The following ZNF836 variants were observed in gnomAD, a reference collection of about 807,000 sequenced individuals.
The protein encoded by ZNF836 is zinc finger protein 836.
Under a neutral mutation model 7.4 loss-of-function variants are expected in ZNF836, and 12 were observed. The observed-to-expected ratio is 1.61, with a 90% confidence interval of 1.03 to 2.61. The LOEUF (loss-of-function observed/expected upper bound fraction) is 2.61, where lower values mean the gene tolerates loss of function less well. Among genes scored for constraint, ZNF836 ranks in the 30% most tolerant of loss-of-function variants. ZNF836 has a pLI of 0.00. For missense variants in ZNF836, 998 were observed against 1,126.2 expected, an observed-to-expected ratio of 0.89 and a Z score of 1.63; for synonymous variants, 365 against 382.6, an observed-to-expected ratio of 0.95 and a Z score of 0.54.
Position 52,155,819 on chromosome 19 carries a change from T to C in ZNF836, c.1864A>G (p.Ser622Gly), listed in dbSNP as rs1472249779. 1.9e-6 allele frequency: 3 copies of C among 1,614,006 alleles called. No homozygotes were observed. In the Admixed American group the frequency reaches 5.0e-5, roughly 27 times the overall value. ...CTCTTATGATTTGAAAGGTTTCCAC[T>C]GTCATTGAAGACCTTGCCACACACA... ...CNVCGKVFND[S>G]GNLSNHKRIH... Residue 622 changes from serine (S) to glycine (G), a missense_variant, in exon 5 of 5, where the codon AGT becomes GGT. Transcript: ENST00000682614.
intron 3 of ZNF836, among the ~76,000 whole-genome samples, chr19:52,163,714 G>A (rs929582519): frequency 1.3e-5 from 2 of 152,080 alleles, no homozygotes; most frequent in Non-Finnish European, 2.9e-5. Flanking sequence ...GAAAGGTTAG[G>A]GGCCACTGAG....
rs1217663740 is a variant in ZNF836 at position 52,157,230 on chromosome 19, T to C, written c.453A>G (p.Glu151=). ...LTLSFQSRLT[E]LQKFQTEGKI... ...TCCCTTCAGTTTGAAATTTCTGCAG[T>C]TCAGTCAGACGTGACTGAAAGCTTA... The change falls in exon 5 of 5, where the codon GAA becomes GAG. Residue 151 remains glutamate (E), a synonymous_variant. Coordinates refer to ENST00000682614, the MANE Select transcript of ZNF836 (RefSeq NM_001102657.3). 3 of 1,610,602 alleles carry C rather than the reference T, an allele frequency of 1.9e-6. No individual in the cohort carries two copies. In the Admixed American group the frequency reaches 5.1e-5, roughly 27 times the overall value.
At chr19:52,168,268 G>C (rs1326712649) in intron 2 of ZNF836, 116 bp from the exon 3 acceptor site, 2 of 599,802 alleles carry the variant, frequency 3.3e-6, no homozygotes, top group Middle Eastern at 4.5e-4. Flanking sequence ...TGCACCAGGG[G>C]GATGCAAGGA....
intron 3 of ZNF836, among the ~76,000 whole-genome samples, chr19:52,162,650 T>C (rs1422017036): frequency 4.6e-5 from 7 of 152,124 alleles, no homozygotes; most frequent in Non-Finnish European, 1.0e-4. Context: ...ATTTATTAGG[T>C]AAAAGAGATA....
In ZNF836 at chr19:52,168,110, G is replaced by T. The variant is rs1424832942; in HGVS notation, c.-38C>A. On this transcript the variant is annotated 5_prime_UTR_variant, in exon 3 of 5. Coordinates refer to ENST00000682614, the MANE Select transcript of ZNF836 (RefSeq NM_001102657.3). ...TTCTTTCCTCTTCTTCCTCTTCTGGGCTTCTCTCTCAGTCAATATAATTAA... is the reference window on the plus strand; with the variant it reads ...TTCTTTCCTCTTCTTCCTCTTCTGGTCTTCTCTCTCAGTCAATATAATTAA... The T allele has an allele frequency of 3.7e-6, 6 of 1,607,242 alleles. No homozygotes were observed. Among genetic ancestry groups the T allele is most frequent in the Non-Finnish European group, 5.1e-6 (6 of 1,177,592 alleles).
Position 52,156,269 on chromosome 19 carries a change from A to C in ZNF836, c.1414T>G (p.Cys472Gly). Residue 472 changes from cysteine to glycine, a missense_variant, in exon 5 of 5, where the codon TGC becomes GGC. Physicochemically the swap from Cys to Gly is radical, Grantham distance 159 (BLOSUM62 -3). Transcript: ENST00000682614. ...RSHTGEKPYKCNECGKVFSQT... is the reference protein window; with the variant it reads ...RSHTGEKPYKGNECGKVFSQT... ...CTGAAGACCTTGCCACATTCATTGC[A>C]TTTGTAAGGTTTCTCTCCAGTATGA... The C allele has an allele frequency of 6.2e-7, 1 of 1,614,212 alleles. No individual in the cohort carries two copies. Among genetic ancestry groups the C allele is most frequent in the South Asian group, 1.1e-5 (1 of 91,086 alleles).
At position 52,160,533 on chromosome 19, in the gene ZNF836, A is replaced by G; in HGVS notation, c.74T>C (p.Leu25Pro). Residue 25 changes from leucine (L) to proline (P), a missense_variant, in exon 4 of 5, where the codon CTG becomes CCG. Physicochemically the swap from Leu to Pro is moderately conservative, Grantham distance 98. Transcript: ENST00000682614. The stretch of plus-strand genomic sequence containing the variant: ...GTACAAAGCTTTCTGCACAGGGTCC[A>G]GGGATTTCCACTCCTCCTGAGAGAA... Reference protein sequence around the residue: ...IEFSQEEWKSLDPVQKALYWD... With the variant: ...IEFSQEEWKSPDPVQKALYWD... 6.2e-7 allele frequency: 1 copy of G among 1,614,072 alleles called. No homozygotes were observed. Among genetic ancestry groups the G allele is most frequent in the East Asian group, 2.2e-5 (1 of 44,874 alleles).
chr19:52,159,396 C>T (rs111318601), intron 4 of ZNF836, among the ~76,000 whole-genome samples: 6 of 152,166 alleles, frequency 3.9e-5, no homozygotes, highest in African/African-American at 1.2e-4. Context: ...ACCCAAATTA[C>T]GAAGAAAGTA....
intron 1 of ZNF836, among the ~76,000 whole-genome samples, chr19:52,170,842 C>T (rs2089301825): frequency 6.6e-6 from 1 of 152,210 alleles, no homozygotes; most frequent in Non-Finnish European, 1.5e-5. Context: ...GAATAGGATG[C>T]CCACCTCCCG....
Position 52,157,413 on chromosome 19 carries a change from T to A in ZNF836, c.270A>T (p.Glu90Asp). 6.2e-7 allele frequency: 1 copy of A among 1,606,908 alleles called. No homozygotes were observed. Among genetic ancestry groups the A allele is most frequent in the Non-Finnish European group, 8.5e-7 (1 of 1,178,282 alleles). ...CAAGGTCCTGTAGATTTTTCTGGATTTCCCTTAAGTAAAAATTTTCAACAT... is the reference window on the plus strand; with the variant it reads ...CAAGGTCCTGTAGATTTTTCTGGATATCCCTTAAGTAAAAATTTTCAACAT... ...CYDVENFYLR[E>D]IQKNLQDLEF... Residue 90 changes from glutamate to aspartate, a missense_variant, in exon 5 of 5, where the codon GAA becomes GAT. Physicochemically the swap from Glu to Asp is conservative, Grantham distance 45. Transcript: ENST00000682614.
Position 52,156,929 on chromosome 19 carries a change from C to T in ZNF836, c.754G>A (p.Gly252Ser). ...TEKPYKCNECGKAFHRGSLLT... is the reference protein window; with the variant it reads ...TEKPYKCNECSKAFHRGSLLT... The stretch of plus-strand genomic sequence containing the variant: ...AGTGAGCCCCGATGAAAGGCTTTGC[C>T]ACATTCATTGCATTTGTAAGGTTTC... The change falls in exon 5 of 5, where the codon GGC becomes AGC. Residue 252 changes from glycine to serine, a missense_variant. Physicochemically the swap from Gly to Ser is moderately conservative, Grantham distance 56 (BLOSUM62 0). Coordinates refer to ENST00000682614, the MANE Select transcript of ZNF836 (RefSeq NM_001102657.3). 1.2e-6 allele frequency: 2 copies of T among 1,614,148 alleles called. No homozygotes were observed. Among genetic ancestry groups the T allele is most frequent in the Non-Finnish European group, 8.5e-7 (1 of 1,180,028 alleles).
At chr19:52,158,055 A>G (rs1206207186) in intron 4 of ZNF836, among the ~76,000 whole-genome samples, 2 of 152,184 alleles carry the variant, frequency 1.3e-5, no homozygotes, top group Non-Finnish European at 1.5e-5. Flanking sequence ...GTAAAGAAAG[A>G]GTAATCACAT....
chr19:52,155,816 C>T lies in ZNF836; in HGVS notation c.1867G>A (p.Gly623Arg). The T allele has an allele frequency of 6.2e-7, 1 of 1,613,868 alleles. No homozygotes were observed. The highest frequency in any genetic ancestry group is 2.2e-5 in the East Asian group (1 of 44,866). Residue 623 changes from glycine to arginine, a missense_variant, in exon 5 of 5, where the codon GGA becomes AGA. Gly to Arg is a moderately radical substitution (Grantham distance 125). Transcript: ENST00000682614. ...ATTCTCTTATGATTTGAAAGGTTTC[C>T]ACTGTCATTGAAGACCTTGCCACAC... ...NVCGKVFNDS[G>R]NLSNHKRIHT... is the part of the protein sequence containing the mutation.
At chr19:52,164,471 AGG>A in intron 3 of ZNF836, among the ~76,000 whole-genome samples, 1 of 121,194 alleles carries the variant, frequency 8.3e-6, no homozygotes, top group Non-Finnish European at 1.7e-5. Flanking sequence ...GAAGGAAGGA[AGG>A]AAGGAAAGAA....
At chr19:52,169,072 G>A (rs1242327817) in intron 2 of ZNF836, among the ~76,000 whole-genome samples, 1 of 152,138 alleles carries the variant, frequency 6.6e-6, no homozygotes, top group East Asian at 1.9e-4. Flanking sequence ...CACTTTAACA[G>A]TTTGGAAAGT....
Position 52,160,512 on chromosome 19 carries a change from A to C in ZNF836, c.95T>G (p.Leu32Trp). The change falls in exon 4 of 5, where the codon TTG (leucine) becomes TGG (tryptophan). Residue 32 changes from leucine to tryptophan, a missense_variant. Physicochemically the swap from Leu to Trp is moderately conservative, Grantham distance 61 (BLOSUM62 -2). Coordinates refer to ENST00000682614, the MANE Select transcript of ZNF836 (RefSeq NM_001102657.3). Reference protein sequence around the residue: ...WKSLDPVQKALYWDVMLENYR... With the variant: ...WKSLDPVQKAWYWDVMLENYR... ...GTTCTCCAACATCACATCCCAGTAC[A>C]AAGCTTTCTGCACAGGGTCCAGGGA... 1 of 1,614,118 alleles carries C rather than the reference A, an allele frequency of 6.2e-7. No homozygotes were observed. The highest frequency in any genetic ancestry group is 8.5e-7 in the Non-Finnish European group (1 of 1,180,008).
chr19:52,157,681 C>T, intron 4 of ZNF836, 141 bp from the exon 5 acceptor site: 1 of 708,748 alleles, frequency 1.4e-6, no homozygotes. Flanking sequence ...AGCTATTCTT[C>T]TGCCTCAGCC....
At chr19:52,164,857 G>A (rs1047801434) in intron 3 of ZNF836, among the ~76,000 whole-genome samples, 20 of 152,192 alleles carry the variant, frequency 1.3e-4, no homozygotes, top group African/African-American at 4.8e-4. Flanking sequence ...GGAGGCTAAG[G>A]CAAGCGGATG....
intron 3 of ZNF836, among the ~76,000 whole-genome samples, chr19:52,163,797 G>C (rs2089235460): frequency 6.6e-6 from 1 of 151,764 alleles, no homozygotes; most frequent in Non-Finnish European, 1.5e-5. Flanking sequence ...AGTACCATAG[G>C]TGACTGCAGC....
Sources: allele counts gnomAD v4.1 joint callset (sites outside exome capture counted in the v4.1 genomes callset), GRCh38; gene constraint gnomAD v4.1.1; transcripts MANE v1.5; gene names NCBI Gene and HGNC (gene_info 2026-07-23, HGNC 2026-07-21).